The following EPHB2 variants were observed in gnomAD, a reference collection of about 807,000 sequenced individuals.
The protein encoded by EPHB2 is EPH receptor B2, also known as ephrin type-B receptor 2.
Under a neutral mutation model 96.4 loss-of-function variants are expected in EPHB2, and 18 were observed. The observed-to-expected ratio is 0.19, with a 90% confidence interval of 0.13 to 0.28. The LOEUF (loss-of-function observed/expected upper bound fraction) is 0.28, where lower values mean the gene tolerates loss of function less well. Among genes scored for constraint, EPHB2 ranks in the 10% least tolerant of loss-of-function variants. EPHB2 has a pLI of 1.00. For synonymous variants in EPHB2, 506 were observed against 534.1 expected (o/e 0.95, Z 0.72); for missense variants, 989 against 1,355.4 (o/e 0.73, Z 4.25).
chr1:22,906,212 C>T lies in EPHB2; in HGVS notation c.1888+103C>T. On this transcript the variant is annotated intron_variant, in intron 10 of 15. Coordinates refer to ENST00000374630, the MANE Select transcript of EPHB2 (RefSeq NM_017449.5). The surrounding 1 kb of genome is among the most constrained non-coding windows in gnomAD (Gnocchi z 4.8). ...CAGAAGGTAGGATGTGGGACAGGCG[C>T]CTCAAAGGACCCCCCAAGGCCTGAA... 5 of 1,556,210 alleles carry T rather than the reference C, an allele frequency of 3.2e-6. No homozygotes were observed. Among genetic ancestry groups the T allele is most frequent in the Non-Finnish European group, 4.4e-6 (5 of 1,141,908 alleles).
chr1:22,805,150 G>A (rs1423299118), intron 3 of EPHB2, among the ~76,000 whole-genome samples: 2 of 151,710 alleles, frequency 1.3e-5, no homozygotes, highest in Non-Finnish European at 2.9e-5. Flanking sequence ...TACGGGATGA[G>A]CCATGCACCC....
At chr1:22,759,495 C>T (rs193191276) in intron 1 of EPHB2, among the ~76,000 whole-genome samples, 20 of 152,246 alleles carry the variant, frequency 1.3e-4, no homozygotes, top group African/African-American at 2.4e-4. Context: ...CTCTTGGAGT[C>T]GGCTGAGCTC....
intron 1 of EPHB2, among the ~76,000 whole-genome samples, chr1:22,717,592 G>A (rs148298344): frequency 7.4e-4 from 113 of 152,276 alleles, no homozygotes; most frequent in African/African-American, 2.2e-3. Context: ...GGAGAATACC[G>A]CGCATGTGTC....
chr1:22,807,392 C>G (rs1367981112), intron 3 of EPHB2, among the ~76,000 whole-genome samples: 1 of 152,196 alleles, frequency 6.6e-6, no homozygotes, highest in African/African-American at 2.4e-5. Flanking sequence ...GCTGCCAAGG[C>G]GCTCAGAACG....
rs750730184 is a variant in EPHB2 at position 22,913,706 on chromosome 1, T to A, written c.*136T>A. ...ACGGGCCACGGGAAGAACCAAGCGG[T>A]GCCAGCCACGAGACGTCACCAAGAA... On this transcript the variant is annotated 3_prime_UTR_variant, in exon 16 of 16. Coordinates refer to ENST00000374630, the MANE Select transcript of EPHB2 (RefSeq NM_017449.5). The surrounding 1 kb of genome is among the most constrained non-coding windows in gnomAD (Gnocchi z 4.1). 6.3e-7 allele frequency: 1 copy of A among 1,598,230 alleles called. No homozygotes were observed.
In EPHB2 at chr1:22,906,697, GT is replaced by G; in HGVS notation, c.1889-10del. ...CAAGTGACATCCTGTCTGTCTTGGT[GT>G]TTCTCTCTCAGGGGAGTTTGGCGAG... On this transcript the variant is annotated splice_polypyrimidine_tract_variant and intron_variant, in intron 10 of 15. Transcript: ENST00000374630. This position sits in a 1 kb window ranked among gnomAD's most constrained non-coding sequence, Gnocchi z 4.8. 1.9e-6 allele frequency: 3 copies of G among 1,614,118 alleles called. No homozygotes were observed. Among genetic ancestry groups the G allele is most frequent in the Non-Finnish European group, 2.5e-6 (3 of 1,180,024 alleles).
At chr1:22,879,286 T>C (rs974452122) in intron 5 of EPHB2, among the ~76,000 whole-genome samples, 6 of 152,150 alleles carry the variant, frequency 3.9e-5, no homozygotes, top group African/African-American at 1.4e-4. Context: ...GCATGGGGAT[T>C]GGGGTGCTTC....
At chr1:22,830,064 G>A (rs903251886) in intron 3 of EPHB2, among the ~76,000 whole-genome samples, 1 of 152,176 alleles carries the variant, frequency 6.6e-6, no homozygotes, top group Non-Finnish European at 1.5e-5. Context: ...TGGTGGGAAG[G>A]GGGGACTAGG....
intron 6 of EPHB2, among the ~76,000 whole-genome samples, chr1:22,885,218 A>C (rs1639185591): frequency 8.7e-6 from 1 of 114,842 alleles, no homozygotes; most frequent in South Asian, 2.6e-4. Flanking sequence ...TCAGAACCCC[A>C]AAAGGCAAAA....
chr1:22,878,124 C>T (rs1414446597), intron 5 of EPHB2, among the ~76,000 whole-genome samples: 3 of 152,226 alleles, frequency 2.0e-5, no homozygotes, highest in Non-Finnish European at 2.9e-5. Context: ...GCTGAACTCC[C>T]TGAAGGTGGT....
At position 22,784,806 on chromosome 1, in the gene EPHB2, T is replaced by C. The variant is rs758937616; in HGVS notation, c.541T>C (p.Tyr181His). The C allele has an allele frequency of 1.9e-6, 3 of 1,603,384 alleles. No individual in the cohort carries two copies. Among genetic ancestry groups the C allele is most frequent in the South Asian group, 1.1e-5 (1 of 89,782 alleles). ...RSGFYLAFQD[Y>H]GGCMSLIAVR... ...CGGCTTCTACCTGGCCTTCCAGGAC[T>C]ATGGCGGCTGCATGTCCCTCATCGC... Residue 181 changes from tyrosine (Y) to histidine (H), a missense_variant, in exon 3 of 16, where the codon TAT becomes CAT. Physicochemically the swap from Tyr to His is moderately conservative, Grantham distance 83 (BLOSUM62 2). Transcript: ENST00000374630. The surrounding 1 kb of genome is among the most constrained non-coding windows in gnomAD (Gnocchi z 5.1).
chr1:22,805,936 A>G (rs1644919344), intron 3 of EPHB2, among the ~76,000 whole-genome samples: 1 of 152,174 alleles, frequency 6.6e-6, no homozygotes, highest in African/African-American at 2.4e-5. Flanking sequence ...CTCCATTCCC[A>G]GGACTCTGGA....
At position 22,790,727 on chromosome 1, in the gene EPHB2, G is replaced by A. The variant is rs559118695; in HGVS notation, c.811+5651G>A. ...CTGCGAGGGATCTGGAGGCAGTTCC[G>A]CAGTGAGCATGATTGCTGCGATGCT... On this transcript the variant is annotated intron_variant, in intron 3 of 15. Coordinates refer to ENST00000374630, the MANE Select transcript of EPHB2 (RefSeq NM_017449.5). This position sits in a 1 kb window ranked among gnomAD's most constrained non-coding sequence, Gnocchi z 4.0. Among the ~76,000 whole-genome samples the A allele has an allele frequency of 9.2e-5, 14 of 152,338 alleles. No homozygotes were observed. Among genetic ancestry groups the A allele is most frequent in the East Asian group, 3.9e-4 (2 of 5,186 alleles).
At position 22,790,104 on chromosome 1, in the gene EPHB2, A is replaced by G. The variant is rs998732242; in HGVS notation, c.811+5028A>G. ...CAGAAGGCTTCAAGGAGGGAGTAGC[A>G]TTTGAATTAGGCCTTGAAGAGTGAG... On this transcript the variant is annotated intron_variant, in intron 3 of 15. Transcript: ENST00000374630. This position sits in a 1 kb window ranked among gnomAD's most constrained non-coding sequence, Gnocchi z 4.0. Among the ~76,000 whole-genome samples, 1 of 152,150 alleles carries G rather than the reference A, an allele frequency of 6.6e-6. No individual in the cohort carries two copies. Among genetic ancestry groups the G allele is most frequent in the African/African-American group, 2.4e-5 (1 of 41,450 alleles).
At chr1:22,786,473 C>T (rs547977396) in intron 3 of EPHB2, among the ~76,000 whole-genome samples, 151 of 152,284 alleles carry the variant, frequency 9.9e-4, no homozygotes, top group African/African-American at 3.5e-3. Flanking sequence ...ATCCAGTGGC[C>T]TTGGAGAAGG....
intron 14 of EPHB2, among the ~76,000 whole-genome samples, chr1:22,911,139 T>TAAAAAAAA (rs1163743630): frequency 1.5e-5 from 2 of 135,168 alleles, no homozygotes; most frequent in African/African-American, 6.2e-5. Flanking sequence ...AAACTCCATC[T>TAAAAAAAA]AAAAAAATAA....
In EPHB2 at chr1:22,892,870, C is replaced by G; in HGVS notation, c.1429-14C>G. On this transcript the variant is annotated splice_polypyrimidine_tract_variant and intron_variant, in intron 6 of 15. Coordinates refer to ENST00000374630, the MANE Select transcript of EPHB2 (RefSeq NM_017449.5). ...GCCACAACCTCACTAATTTTCTTCT[C>G]TGTTCCTCGGCAGGAGCTCAGTGAG... The G allele has an allele frequency of 6.2e-7, 1 of 1,614,242 alleles. No homozygotes were observed. Among genetic ancestry groups the G allele is most frequent in the Non-Finnish European group, 8.5e-7 (1 of 1,180,044 alleles).
Position 22,784,739 on chromosome 1 carries a change from A to G in EPHB2, c.474A>G (p.Lys158=). 1 of 1,612,732 alleles carries G rather than the reference A, an allele frequency of 6.2e-7. No homozygotes were observed. The highest frequency in any genetic ancestry group is 1.3e-5 in the African/African-American group (1 of 75,022). ...TGGACCTGGGTGGCCGCGTCATGAA[A>G]ATCAACACCGAGGTGCGGAGCTTCG... ...SQVDLGGRVM[K]INTEVRSFGP... Residue 158 remains lysine, a synonymous_variant, in exon 3 of 16, where the codon AAA becomes AAG. Coordinates refer to ENST00000374630, the MANE Select transcript of EPHB2 (RefSeq NM_017449.5). The surrounding 1 kb of genome is among the most constrained non-coding windows in gnomAD (Gnocchi z 5.1).
At chr1:22,731,763 C>G (rs1476199896) in intron 1 of EPHB2, among the ~76,000 whole-genome samples, 1 of 152,154 alleles carries the variant, frequency 6.6e-6, no homozygotes, top group East Asian at 1.9e-4. Flanking sequence ...TCGCTTGAAC[C>G]CGGGAAGTGG....
Sources: gnomAD v4.1 joint callset for allele counts (sites outside exome capture counted in the v4.1 genomes callset) on GRCh38, gnomAD v4.1.1 for gene constraint, Gnocchi (gnomAD v3.1) non-coding constraint, MANE v1.5 for transcripts, NCBI Gene and HGNC (gene_info 2026-07-23, HGNC 2026-07-21) for gene names.